The following FAM153A variants were observed in gnomAD, a reference collection of about 807,000 sequenced individuals.
The protein encoded by FAM153A is family with sequence similarity 153 member A, also known as protein FAM153A.
Under a neutral mutation model 48.1 loss-of-function variants are expected in FAM153A, and 12 were observed. That is an observed-to-expected ratio of 0.25 (90% CI 0.16 to 0.40). The LOEUF (loss-of-function observed/expected upper bound fraction) is 0.40. Among genes scored for constraint, FAM153A ranks in the 10% least tolerant of loss-of-function variants. The pLI is 1.00. For synonymous variants in FAM153A, 36 were observed against 118.2 expected (o/e 0.30, Z 4.51); for missense variants, 111 against 345.8 (o/e 0.32, Z 5.38).
chr5:177,713,254 TTTC>T (rs1334698476), intron 26 of FAM153A: 5 of 125,164 alleles, frequency 4.0e-5, no homozygotes, highest in East Asian at 2.8e-4. Context: ...TTTTCTTTCT[TTTC>T]TTTTTTTTTT....
chr5:177,728,692 T>C (rs1244867163), intron 18 of FAM153A, among the ~76,000 whole-genome samples: 1 of 150,770 alleles, frequency 6.6e-6, no homozygotes, highest in African/African-American at 2.5e-5. Context: ...CTTGGCCTCC[T>C]GAGTAGCTGG....
At chr5:177,737,955 C>G (rs552012090) in intron 10 of FAM153A, among the ~76,000 whole-genome samples, 20 of 151,798 alleles carry the variant, frequency 1.3e-4, no homozygotes, top group South Asian at 1.2e-3. Flanking sequence ...ATTATCCTAC[C>G]ATTTAAAGAT....
chr5:177,709,304 C>A (rs1372674784), downstream of FAM153A, among the ~76,000 whole-genome samples: 1 of 128,196 alleles, frequency 7.8e-6, no homozygotes, highest in Non-Finnish European at 1.6e-5. Context: ...TACAGTAATA[C>A]TATTAACTAT....
At chr5:177,709,360 ATTT>A (rs70994932), downstream of FAM153A, among the ~76,000 whole-genome samples, 3 of 124,414 alleles carry the variant, frequency 2.4e-5, no homozygotes, top group Non-Finnish European at 4.8e-5. Flanking sequence ...TGTAATTAGG[ATTT>A]TTTTTTTTTT....
At chr5:177,744,856 G>GT (rs1447786123) in intron 5 of FAM153A, 32 bp downstream of exon 7, 2 of 1,314,006 alleles carry the variant, frequency 1.5e-6, no homozygotes, top group Non-Finnish European at 1.0e-6. Context: ...GAAAGCAACA[G>GT]TTTTTTCTCA....
the FAM153A span, among the ~76,000 whole-genome samples, chr5:177,702,578 A>C: frequency 1.3e-5 from 2 of 151,900 alleles, no homozygotes; most frequent in African/African-American, 2.4e-5. Context: ...GGGGAAAAGC[A>C]TAGAAGACAT....
intron 18 of FAM153A, among the ~76,000 whole-genome samples, chr5:177,728,480 C>A (rs545309090): frequency 0.042 from 6,230 of 147,904 alleles, 474 homozygotes; most frequent in African/African-American, 0.13. Context: ...TACTACCCCA[C>A]CTTACATGAC....
chr5:177,725,736 A>G (rs1260069560), intron 18 of FAM153A, among the ~76,000 whole-genome samples: 3 of 151,754 alleles, frequency 2.0e-5, no homozygotes, highest in East Asian at 3.9e-4. Context: ...CCAGCTGCCC[A>G]GAGGCTCTGC....
chr5:177,711,132 A>G (rs976500285), exon 27 of FAM153A: 3 of 151,992 alleles, frequency 2.0e-5, no homozygotes, highest in African/African-American at 7.3e-5. Flanking sequence ...TACTGTACAT[A>G]TAACTAAAGA....
At chr5:177,724,355 G>A in exon 20 of FAM153A, 1 of 1,566,900 alleles carries the variant, frequency 6.4e-7, no homozygotes, top group Non-Finnish European at 8.7e-7. Flanking sequence ...GGAAGGACTT[G>A]CTGACATCTG....
At chr5:177,761,334 G>T (rs1483522111) in intron 1 of FAM153A, among the ~76,000 whole-genome samples, 2 of 151,706 alleles carry the variant, frequency 1.3e-5, no homozygotes, top group African/African-American at 4.9e-5. Flanking sequence ...CTAGAGTGAG[G>T]CCTGGCCGGA....
exon 27 of FAM153A, chr5:177,712,667 C>T (rs1298725529): frequency 1.3e-5 from 2 of 151,300 alleles, no homozygotes; most frequent in African/African-American, 4.9e-5. Context: ...ATGCAGCTAT[C>T]AGTACACCTC....
chr5:177,708,110 G>A (rs996174886), downstream of FAM153A: 5 of 153,664 alleles, frequency 3.3e-5, no homozygotes, highest in African/African-American at 1.2e-4. Context: ...CATAAACTGT[G>A]GTCACCCAAG....
intron 18 of FAM153A, among the ~76,000 whole-genome samples, chr5:177,727,793 T>C (rs1762882040): frequency 1.2e-5 from 1 of 83,482 alleles, no homozygotes; most frequent in Non-Finnish European, 2.3e-5. Context: ...TCTCACCTCC[T>C]CTGCAACTAG....
At chr5:177,730,663 G>A (rs1412688703) in intron 16 of FAM153A, among the ~76,000 whole-genome samples, 1 of 140,246 alleles carries the variant, frequency 7.1e-6, no homozygotes, top group Non-Finnish European at 1.6e-5. Context: ...AGTTGGCCTA[G>A]GAAGAAACTA....
chr5:177,783,026 G>C (rs1421976738), upstream of FAM153A: 91 of 94,718 alleles, frequency 9.6e-4, 1 homozygote, highest in African/African-American at 3.7e-3. Flanking sequence ...GAGAGATCTG[G>C]TGCTGGCATG....
chr5:177,710,310 C>T (rs1465462708), downstream of FAM153A, among the ~76,000 whole-genome samples: 1 of 151,364 alleles, frequency 6.6e-6, no homozygotes, highest in Non-Finnish European at 1.5e-5. Context: ...CGGAGTTTCA[C>T]CATGTTGGCC....
At chr5:177,704,868 C>T (rs184341794), downstream of FAM153A, among the ~76,000 whole-genome samples, 1,976 of 151,200 alleles carry the variant, frequency 0.013, 74 homozygotes, top group African/African-American at 0.047. Flanking sequence ...GACATGGTGG[C>T]GCTCACCTGT....
rs1160793716 is a variant in FAM153A, at chr5:177,736,386, TCCAGGGATGACAGTAGCATGGTTAGA to T, written c.664+167_664+192del. Among the ~76,000 whole-genome samples, 4 of 148,206 alleles carry T rather than the reference TCCAGGGATGACAGTAGCATGGTTAGA, an allele frequency of 2.7e-5. No individual in the cohort carries two copies. In the East Asian group the frequency reaches 8.2e-4, roughly 31 times the overall value. On this transcript the variant is annotated intron_variant, in intron 12 of 20. Transcript: ENST00000614127. Reference sequence around the variant, plus strand: ...CCCCACCTTAGATGACACTGCTGCTTCCAGGGATGACAGTAGCATGGTTAGAGTGGTTTACTGGATCTTAGCATTCT... The same window carrying T: ...CCCCACCTTAGATGACACTGCTGCTTGTGGTTTACTGGATCTTAGCATTCT...
Sources: gnomAD v4.1 joint callset for allele counts (sites outside exome capture counted in the v4.1 genomes callset) on GRCh38, gnomAD v4.1.1 for gene constraint, MANE v1.5 for transcripts, NCBI Gene and HGNC (gene_info 2026-07-23, HGNC 2026-07-21) for gene names.